CSMD2: variants seen among roughly 807,000 people sequenced by gnomAD.
CSMD2 encodes CUB and Sushi multiple domains 2.
Under a neutral mutation model 398.5 loss-of-function variants are expected in CSMD2, and 130 were observed. The observed-to-expected ratio is 0.33, with a 90% confidence interval of 0.28 to 0.38. The LOEUF (loss-of-function observed/expected upper bound fraction) is 0.38, where lower values mean the gene tolerates loss of function less well. Among genes scored for constraint, CSMD2 ranks in the 10% least tolerant of loss-of-function variants. The pLI, the probability that CSMD2 is intolerant of heterozygous loss-of-function variation, is 1.00. For missense variants in CSMD2, 3,829 were observed against 4,764.9 expected (o/e 0.80, Z 5.78); for synonymous variants, 1,828 against 1,908.5 (o/e 0.96, Z 1.10).
intron 43 of CSMD2, 107 bp downstream of exon 43, chr1:33,602,262 A>C: frequency 8.1e-7 from 1 of 1,241,306 alleles, no homozygotes; most frequent in Admixed American, 2.0e-5. Context: ...TTTAAAAACC[A>C]TTCACCTCTT....
intron 25 of CSMD2, among the ~76,000 whole-genome samples, chr1:33,664,834 ATAAAAT>A (rs1644257801): frequency 6.6e-6 from 1 of 151,988 alleles, no homozygotes. Flanking sequence ...TAAAAAGAAA[ATAAAAT>A]AAATAAAAAT....
intron 5 of CSMD2, among the ~76,000 whole-genome samples, chr1:33,903,623 C>A (rs1186482997): frequency 2.0e-5 from 3 of 152,152 alleles, no homozygotes; most frequent in Non-Finnish European, 2.9e-5. Context: ...ACCTTGGATA[C>A]CTACTAAGTG....
rs377686322 is a variant in CSMD2, at chr1:34,122,094, A to G, written c.188-32901T>C. ...CAGTCTAGCAGAACAACGGTTCTAA[A>G]TTTGGGGGCGATTTTGTTCCCGGGG... On this transcript the variant is annotated intron_variant, in intron 1 of 70. Coordinates refer to ENST00000373381, the MANE Select transcript of CSMD2 (RefSeq NM_001281956.2). 1.8e-3 allele frequency among the ~76,000 whole-genome samples: 271 copies of G among 151,774 alleles called. 1 individual carries two copies. Among genetic ancestry groups the G allele is most frequent in the African/African-American group, 6.2e-3 (255 of 41,372 alleles).
At chr1:33,771,153 T>A (rs540526742) in intron 13 of CSMD2, among the ~76,000 whole-genome samples, 2 of 152,306 alleles carry the variant, frequency 1.3e-5, no homozygotes, top group Non-Finnish European at 1.5e-5. Context: ...TTTATCTAGA[T>A]GGATTTCAGA....
intron 15 of CSMD2, among the ~76,000 whole-genome samples, chr1:33,733,111 G>A (rs921269354): frequency 1.3e-5 from 2 of 152,178 alleles, no homozygotes; most frequent in Non-Finnish European, 2.9e-5. Flanking sequence ...CTTCTGTAAC[G>A]GGATGTAGGC....
At chr1:33,709,014 C>G (rs1355841025) in intron 22 of CSMD2, 75 bp downstream of exon 22, 2 of 1,320,302 alleles carry the variant, frequency 1.5e-6, no homozygotes, top group East Asian at 4.7e-5. Context: ...ATCATTCACA[C>G]AGAGACAAAG....
At chr1:33,814,035 C>T (rs889876477) in intron 9 of CSMD2, 1 of 152,394 alleles carries the variant, frequency 6.6e-6, no homozygotes, top group Admixed American at 6.5e-5. Context: ...GTTTTCTGAA[C>T]CTCCAGTAGA....
intron 3 of CSMD2, among the ~76,000 whole-genome samples, chr1:33,977,329 GT>G (rs1309561131): frequency 6.6e-6 from 1 of 151,944 alleles, no homozygotes; most frequent in East Asian, 2.0e-4. Context: ...CCTCATGAAT[GT>G]TCAGATACCC....
At chr1:34,162,451 T>G (rs1641431579) in intron 1 of CSMD2, among the ~76,000 whole-genome samples, 1 of 152,312 alleles carries the variant, frequency 6.6e-6, no homozygotes, top group Middle Eastern at 3.4e-3. Context: ...AAAATGAATG[T>G]GTTTCCCCTT....
chr1:33,725,681 T>G (rs1421951449), intron 16 of CSMD2, 145 bp from the exon 17 acceptor site: 1 of 660,866 alleles, frequency 1.5e-6, no homozygotes, highest in African/African-American at 1.8e-5. Flanking sequence ...ACACATTCAC[T>G]AGCGATGCAG....
chr1:33,741,682 C>T (rs1372333112), intron 14 of CSMD2, among the ~76,000 whole-genome samples: 1 of 152,150 alleles, frequency 6.6e-6, no homozygotes, highest in African/African-American at 2.4e-5. Context: ...GGATGTGTAT[C>T]ATTTTTACAA....
chr1:33,820,563 GGCA>G lies in CSMD2; in HGVS notation c.1112-10_1112-8del. 5.9e-6 allele frequency: 3 copies of G among 506,148 alleles called. No individual in the cohort carries two copies. The highest frequency in any genetic ancestry group is 2.7e-5 in the African/African-American group (1 of 36,622). 31.4% of individuals were successfully genotyped at this position (506,148 alleles called of 1,614,324 possible). On this transcript the variant is annotated splice_region_variant and splice_polypyrimidine_tract_variant and intron_variant, in intron 7 of 70. Transcript: ENST00000373381. ...GACACACCAACCTGAGTTACTACAA[GGCA>G]AAAAAAAAAAAAAAAAAAAAAACAG...
At chr1:34,142,944 T>C (rs771148) in intron 1 of CSMD2, among the ~76,000 whole-genome samples, 55,088 of 152,042 alleles carry the variant, frequency 0.36, 11,534 homozygotes, top group East Asian at 0.6. Flanking sequence ...GGCTGCGACA[T>C]TGTGTGCTGT....
intron 66 of CSMD2, 63 bp from the exon 67 acceptor site, chr1:33,523,482 G>A: frequency 1.4e-6 from 1 of 728,482 alleles, no homozygotes; most frequent in Non-Finnish European, 2.4e-6. Context: ...ACTCAAATTT[G>A]TGGGTTTGTG....
intron 12 of CSMD2, among the ~76,000 whole-genome samples, chr1:33,773,321 G>A (rs1223311958): frequency 2.0e-5 from 3 of 152,246 alleles, no homozygotes; most frequent in African/African-American, 7.2e-5. Flanking sequence ...TTCACTGCCT[G>A]CTGATGTGGA....
chr1:34,007,819 G>A (rs969306220), intron 3 of CSMD2, among the ~76,000 whole-genome samples: 1 of 152,132 alleles, frequency 6.6e-6, no homozygotes, highest in Admixed American at 6.5e-5. Flanking sequence ...CATATTAATT[G>A]TGGTTATATC....
intron 13 of CSMD2, among the ~76,000 whole-genome samples, chr1:33,768,879 T>C (rs1436946847): frequency 6.6e-6 from 1 of 152,208 alleles, no homozygotes; most frequent in African/African-American, 2.4e-5. Context: ...ACATATACTA[T>C]ACACATTAAG....
At position 33,533,154 on chromosome 1, in the gene CSMD2, G is replaced by A. The variant is rs755663747; in HGVS notation, c.10067C>T (p.Thr3356Met). The A allele has an allele frequency of 1.2e-5, 19 of 1,613,920 alleles. No homozygotes were observed. Among genetic ancestry groups the A allele is most frequent in the Middle Eastern group, 1.6e-4 (1 of 6,082 alleles). The change falls in exon 64 of 71, where the codon ACG (threonine) becomes ATG (methionine). Residue 3356 changes from threonine (T) to methionine (M), a missense_variant. Transcript: ENST00000373381. The surrounding 1 kb of genome is among the most constrained non-coding windows in gnomAD (Gnocchi z 4.2). Reference protein sequence around the residue: ...GALDLPSMGYTLIYSCQEGFS... With the variant: ...GALDLPSMGYMLIYSCQEGFS... ...GCCCTCCTGGCAGGAGTAGATGAGC[G>A]TGTAGCCCATGGAGGGCAAATCCAG... is the stretch of plus-strand genomic sequence containing the variant.
chr1:33,717,824 G>A (rs1462333553), intron 19 of CSMD2, among the ~76,000 whole-genome samples: 1 of 151,968 alleles, frequency 6.6e-6, no homozygotes, highest in Non-Finnish European at 1.5e-5. Flanking sequence ...GGGGGAGATG[G>A]TCAAAGAGCA....
Sources: gnomAD v4.1 joint callset for allele counts (sites outside exome capture counted in the v4.1 genomes callset) on GRCh38, gnomAD v4.1.1 for gene constraint, Gnocchi (gnomAD v3.1) non-coding constraint, MANE v1.5 for transcripts, NCBI Gene and HGNC (gene_info 2026-07-23, HGNC 2026-07-21) for gene names.